The following CPLX2 variants were observed in gnomAD, a reference collection of about 807,000 sequenced individuals.
CPLX2 encodes complexin-2.
Under a neutral mutation model 16.3 loss-of-function variants are expected in CPLX2, and 5 were observed. The ratio of observed to expected loss-of-function variants is 0.31; its 90% confidence interval spans 0.16 to 0.64. CPLX2 has a LOEUF of 0.64. Ranked by LOEUF, CPLX2 falls within the 30% of genes least tolerant of loss-of-function variation. The pLI is 0.79. For missense variants in CPLX2, 144 were observed against 181.4 expected, an observed-to-expected ratio of 0.79 and a Z score of 1.18; for synonymous variants, 89 against 73.2, an observed-to-expected ratio of 1.22 and a Z score of -1.10.
chr5:175,876,746 G>A (rs954306432), intron 1 of CPLX2, among the ~76,000 whole-genome samples: 3 of 152,148 alleles, frequency 2.0e-5, no homozygotes, highest in Non-Finnish European at 4.4e-5. Context: ...CTGCCACCTG[G>A]TAATTCCTTG....
At chr5:175,863,514 C>T (rs1457336528) in intron 2 of CPLX2, among the ~76,000 whole-genome samples, 1 of 152,162 alleles carries the variant, frequency 6.6e-6, no homozygotes, top group East Asian at 1.9e-4. Flanking sequence ...AGGCGAGGGC[C>T]TGGGGATTAA....
chr5:175,829,535 G>A (rs1758692160), intron 2 of CPLX2, among the ~76,000 whole-genome samples: 1 of 152,156 alleles, frequency 6.6e-6, no homozygotes, highest in African/African-American at 2.4e-5. Context: ...CTTCTGCTGG[G>A]TCTTTTGGAG....
At chr5:175,873,936 CA>C (rs1759696755) in intron 1 of CPLX2, among the ~76,000 whole-genome samples, 1 of 152,210 alleles carries the variant, frequency 6.6e-6, no homozygotes, top group Non-Finnish European at 1.5e-5. Context: ...ATAGCATGCA[CA>C]AATGCCCAGG....
At chr5:175,822,900 A>G (rs1345470042) in intron 2 of CPLX2, among the ~76,000 whole-genome samples, 1 of 152,242 alleles carries the variant, frequency 6.6e-6, no homozygotes, top group Middle Eastern at 3.2e-3. Flanking sequence ...AAAGGGGAAC[A>G]TCTTCCCAGA....
intron 2 of CPLX2, among the ~76,000 whole-genome samples, chr5:175,851,106 C>T (rs1339464414): frequency 6.6e-6 from 1 of 151,990 alleles, no homozygotes; most frequent in Non-Finnish European, 1.5e-5. Flanking sequence ...TGGCTCAGGG[C>T]ATCTTGCGTG....
intron 2 of CPLX2, among the ~76,000 whole-genome samples, chr5:175,813,703 C>T (rs1393939232): frequency 6.6e-6 from 1 of 152,206 alleles, no homozygotes; most frequent in Non-Finnish European, 1.5e-5. Flanking sequence ...CACAGACCAT[C>T]GGGGATCCAT....
chr5:175,825,491 C>T (rs1758596350), intron 2 of CPLX2, among the ~76,000 whole-genome samples: 1 of 152,070 alleles, frequency 6.6e-6, no homozygotes, highest in Admixed American at 6.5e-5. Flanking sequence ...GAAAAACTTC[C>T]AAGCTGGCAG....
At chr5:175,870,550 G>A (rs138306391), upstream of CPLX2, among the ~76,000 whole-genome samples, 280 of 152,198 alleles carry the variant, frequency 1.8e-3, 1 homozygote, top group African/African-American at 6.2e-3. Context: ...CCTACACATC[G>A]GGCTGGAGTA....
At chr5:175,816,980 G>T (rs146121813) in intron 2 of CPLX2, among the ~76,000 whole-genome samples, 3 of 152,216 alleles carry the variant, frequency 2.0e-5, no homozygotes, top group Non-Finnish European at 2.9e-5. Context: ...AACATCTTAC[G>T]TGGTGTCCAT....
intron 2 of CPLX2, among the ~76,000 whole-genome samples, chr5:175,853,605 C>A (rs2113681514): frequency 6.6e-6 from 1 of 152,274 alleles, no homozygotes; most frequent in South Asian, 2.1e-4. Flanking sequence ...CAGAGTCTCT[C>A]GGAGGTAAAA....
chr5:175,870,659 G>A (rs377401764), upstream of CPLX2, among the ~76,000 whole-genome samples: 118 of 152,286 alleles, frequency 7.7e-4, no homozygotes, highest in Middle Eastern at 0.01. Flanking sequence ...AGGGGAAGAG[G>A]AAAGGCTGGG....
chr5:175,878,685 A>T lies in CPLX2; in HGVS notation c.-55A>T. On this transcript the variant is annotated 5_prime_UTR_variant, in exon 2 of 4. Coordinates refer to ENST00000393745, the MANE Select transcript of CPLX2 (RefSeq NM_001008220.2). ...ATCTTCCCAAGCCAGGCCAGCCAGG[A>T]GCGCTGCATGCAAATTCTGCCGTGG... 3 of 1,599,608 alleles carry T rather than the reference A, an allele frequency of 1.9e-6. No homozygotes were observed. Among genetic ancestry groups the T allele is most frequent in the Non-Finnish European group, 2.6e-6 (3 of 1,172,994 alleles).
intron 1 of CPLX2, among the ~76,000 whole-genome samples, chr5:175,875,340 T>G (rs1759732157): frequency 6.6e-6 from 1 of 151,860 alleles, no homozygotes; most frequent in African/African-American, 2.4e-5. Flanking sequence ...AGGGCACAGG[T>G]AGATGAATTG....
At chr5:175,814,002 T>C (rs1346511858) in intron 2 of CPLX2, among the ~76,000 whole-genome samples, 2 of 152,254 alleles carry the variant, frequency 1.3e-5, no homozygotes, top group Non-Finnish European at 2.9e-5. Context: ...ATGTTCTCTT[T>C]CCAAATATAT....
intron 2 of CPLX2, among the ~76,000 whole-genome samples, chr5:175,836,378 A>AAAATC (rs994872115): frequency 6.6e-6 from 1 of 152,038 alleles, no homozygotes; most frequent in Non-Finnish European, 1.5e-5. Context: ...AAAATAAAAT[A>AAAATC]AAATCTCAAC....
intron 1 of CPLX2, among the ~76,000 whole-genome samples, chr5:175,799,646 G>A (rs1758056760): frequency 6.8e-6 from 1 of 147,020 alleles, no homozygotes; most frequent in Admixed American, 6.8e-5. Flanking sequence ...CTCCCAAGTG[G>A]TTAGGACTAC....
chr5:175,821,472 A>AT (rs1412524216), intron 2 of CPLX2, among the ~76,000 whole-genome samples: 1 of 151,646 alleles, frequency 6.6e-6, no homozygotes, highest in Non-Finnish European at 1.5e-5. Flanking sequence ...CAATGGCGCG[A>AT]TCTCGGCTCA....
chr5:175,866,570 G>A (rs970033259), intron 2 of CPLX2, among the ~76,000 whole-genome samples: 1 of 151,864 alleles, frequency 6.6e-6, no homozygotes, highest in Admixed American at 6.6e-5. Context: ...ATGCTAATGA[G>A]TGCCTGAATC....
chr5:175,880,054 C>T lies in CPLX2; in HGVS notation c.*9C>T, dbSNP rs1418949924. On this transcript the variant is annotated 3_prime_UTR_variant, in exon 4 of 4. Coordinates refer to ENST00000393745, the MANE Select transcript of CPLX2 (RefSeq NM_001008220.2). The stretch of plus-strand genomic sequence containing the variant: ...ACATGTTCAAGAAGTAACCAGGCCT[C>T]CTGCCCCAGCCTACTCCACCTGTTA... 6.2e-7 allele frequency: 1 copy of T among 1,607,822 alleles called. No individual in the cohort carries two copies.
Sources: allele counts gnomAD v4.1 joint callset (sites outside exome capture counted in the v4.1 genomes callset), GRCh38; gene constraint gnomAD v4.1.1; transcripts MANE v1.5; gene names NCBI Gene and HGNC (gene_info 2026-07-23, HGNC 2026-07-21).